LEMD3: variants seen among roughly 807,000 people sequenced by gnomAD.
LEMD3 encodes the protein LEM domain containing 3.
LEMD3 carries 33 observed loss-of-function variants against 95.2 expected under a neutral mutation model. The observed-to-expected ratio is 0.35, with a 90% CI of 0.26 to 0.46. The LOEUF is 0.46. Among genes scored for constraint, LEMD3 ranks in the 20% least tolerant of loss-of-function variants. The probability of loss-of-function intolerance (pLI) is 1.00; values close to 1 mark genes in which losing one functional copy is unlikely to be tolerated. For synonymous variants in LEMD3, 525 were observed against 474.6 expected (o/e 1.11, Z -1.38); for missense variants, 1,210 against 1,192.8 (o/e 1.01, Z -0.21).
At position 65,185,583 on chromosome 12, in the gene LEMD3, G is replaced by A. The variant is rs961311142; in HGVS notation, c.1522+14465G>A. On this transcript the variant is annotated intron_variant, in intron 1 of 12. Coordinates refer to ENST00000308330, the MANE Select transcript of LEMD3 (RefSeq NM_014319.5). Reference sequence around the variant, plus strand: ...AAGTGGATATCAAAAGTACTGTTATGGGGAATCTGAATATCTTGATATAAA... The same window carrying A: ...AAGTGGATATCAAAAGTACTGTTATAGGGAATCTGAATATCTTGATATAAA... Among the ~76,000 whole-genome samples, 13 of 151,682 alleles carry A rather than the reference G, an allele frequency of 8.6e-5. No individual in the cohort carries two copies. The East Asian group carries it at 9.6e-4, about 11-fold the overall frequency.
intron 1 of LEMD3, among the ~76,000 whole-genome samples, chr12:65,174,841 A>G (rs1024860622): frequency 6.6e-6 from 1 of 152,242 alleles, no homozygotes; most frequent in African/African-American, 2.4e-5. Context: ...ACATAATGGT[A>G]GTTGCTAACA....
chr12:65,227,733 C>A (rs996956955), intron 4 of LEMD3, among the ~76,000 whole-genome samples: 6 of 85,258 alleles, frequency 7.0e-5, no homozygotes, highest in Non-Finnish European at 8.8e-5. Context: ...AGAATTTTTG[C>A]GATTTTTTTT....
At chr12:65,220,235 T>C (rs907189325) in intron 4 of LEMD3, among the ~76,000 whole-genome samples, 3 of 152,238 alleles carry the variant, frequency 2.0e-5, no homozygotes, top group African/African-American at 7.2e-5. Context: ...TGTGTTTTTA[T>C]TTGTGTTTCC....
intron 3 of LEMD3, among the ~76,000 whole-genome samples, chr12:65,217,036 A>G (rs946647239): frequency 4.6e-5 from 7 of 152,200 alleles, no homozygotes; most frequent in African/African-American, 1.7e-4. Flanking sequence ...TGCTAACACA[A>G]GCTTCTACAG....
intron 1 of LEMD3, among the ~76,000 whole-genome samples, chr12:65,172,411 C>G (rs1195751555): frequency 6.6e-6 from 1 of 152,094 alleles, no homozygotes; most frequent in Non-Finnish European, 1.5e-5. Flanking sequence ...AGTTAGCCAA[C>G]TCAGATAAAG....
At chr12:65,178,380 T>C (rs2136317810) in intron 1 of LEMD3, among the ~76,000 whole-genome samples, 1 of 152,334 alleles carries the variant, frequency 6.6e-6, no homozygotes, top group East Asian at 1.9e-4. Flanking sequence ...AGGAAAAACT[T>C]GTGAATCTCT....
intron 1 of LEMD3, among the ~76,000 whole-genome samples, chr12:65,205,293 C>CT (rs1869729674): frequency 1.3e-5 from 2 of 152,098 alleles, no homozygotes; most frequent in Non-Finnish European, 1.5e-5. Flanking sequence ...CCATATCAGT[C>CT]TGATAACAGT....
chr12:65,244,952 A>G (rs1395205196), intron 10 of LEMD3, among the ~76,000 whole-genome samples: 1 of 152,110 alleles, frequency 6.6e-6, no homozygotes, highest in Non-Finnish European at 1.5e-5. Context: ...CCCTGTCTCA[A>G]ATAACTAACA....
intron 4 of LEMD3, among the ~76,000 whole-genome samples, chr12:65,232,536 A>G (rs1308687383): frequency 6.6e-6 from 1 of 152,116 alleles, no homozygotes; most frequent in African/African-American, 2.4e-5. Context: ...TTCTTTATCC[A>G]GTTTTCTCCT....
Position 65,243,422 on chromosome 12 carries a change from T to G in LEMD3, c.2340T>G (p.Asn780Lys), listed in dbSNP as rs1330350819. 4 of 1,604,070 alleles carry G rather than the reference T, an allele frequency of 2.5e-6. No individual in the cohort carries two copies. The African/African-American group carries it at 5.4e-5, about 21-fold the overall frequency. The change falls in exon 10 of 13, where the codon AAT becomes AAG. Residue 780 changes from asparagine (N) to lysine (K), a missense_variant. Asn to Lys is a moderately conservative substitution (Grantham distance 94). This residue lies in a region of LEMD3 where 461 missense variants were observed against 569.8 expected (regional missense o/e 0.81). Transcript: ENST00000308330. ...TAGATAGAAGAAATTCACCACCAAA[T>G]AGTTTGACACCGTGTCTAAAGATTC... ...FHLDRRNSPP[N>K]SLTPCLKIRN...
chr12:65,236,542 C>T (rs562625808), intron 4 of LEMD3, among the ~76,000 whole-genome samples: 254 of 124,644 alleles, frequency 2.0e-3, no homozygotes, highest in African/African-American at 8.0e-3. Flanking sequence ...CAGAGCAAGA[C>T]TCTGTCTCAA....
At position 65,246,222 on chromosome 12, in the gene LEMD3, C is replaced by G; in HGVS notation, c.2633C>G (p.Ala878Gly). The G allele has an allele frequency of 6.2e-7, 1 of 1,612,562 alleles. No individual in the cohort carries two copies. The highest frequency in any genetic ancestry group is 8.5e-7 in the Non-Finnish European group (1 of 1,178,712). The change falls in exon 13 of 13, where the codon GCT becomes GGT. Residue 878 changes from alanine to glycine, a missense_variant. By Grantham distance (60) the Ala-to-Gly change is moderately conservative. Coordinates refer to ENST00000308330, the MANE Select transcript of LEMD3 (RefSeq NM_014319.5). ...LDRYHHRFPQALTSNTPLKPS... is the reference protein window; with the variant it reads ...LDRYHHRFPQGLTSNTPLKPS... The stretch of plus-strand genomic sequence containing the variant: ...AGATACCACCATCGCTTTCCCCAGG[C>G]TCTCACTTCCAACACTCCATTGAAG...
chr12:65,218,118 A>G (rs919990401), intron 3 of LEMD3, among the ~76,000 whole-genome samples: 10 of 152,182 alleles, frequency 6.6e-5, no homozygotes, highest in African/African-American at 2.4e-4. Flanking sequence ...TTAAGAATAG[A>G]TGTGTAAGTT....
Position 65,170,751 on chromosome 12 carries a change from C to T in LEMD3, c.1155C>T (p.Ser385=). The change falls in exon 1 of 13, where the codon TCC becomes TCT. Residue 385 remains serine, a synonymous_variant. Transcript: ENST00000308330. ...CAACCTTGGATTCGTCAACAGGCTC[C>T]CTTCTGAAAACCAATAATCATATTG... The part of the protein sequence containing the change: ...MDSTLDSSTG[S]LLKTNNHIGG... 1 of 1,614,218 alleles carries T rather than the reference C, an allele frequency of 6.2e-7. No homozygotes were observed. The highest frequency in any genetic ancestry group is 2.2e-5 in the East Asian group (1 of 44,886).
At chr12:65,188,246 A>G (rs1869127222) in intron 1 of LEMD3, among the ~76,000 whole-genome samples, 2 of 152,146 alleles carry the variant, frequency 1.3e-5, no homozygotes, top group Admixed American at 1.3e-4. Context: ...CATTAAAATC[A>G]TACTGCAGGG....
At chr12:65,218,075 T>C (rs961178845) in intron 3 of LEMD3, among the ~76,000 whole-genome samples, 2 of 152,246 alleles carry the variant, frequency 1.3e-5, no homozygotes, top group African/African-American at 2.4e-5. Context: ...CATTAATAAA[T>C]TCAAACTTAT....
chr12:65,175,202 T>C (rs1868678601), intron 1 of LEMD3, among the ~76,000 whole-genome samples: 1 of 152,206 alleles, frequency 6.6e-6, no homozygotes, highest in South Asian at 2.1e-4. Flanking sequence ...TTAAGTGATA[T>C]TATAGCATAC....
intron 1 of LEMD3, among the ~76,000 whole-genome samples, chr12:65,195,443 G>T (rs1005904001): frequency 4.6e-5 from 7 of 150,646 alleles, no homozygotes; most frequent in African/African-American, 1.5e-4. Flanking sequence ...TGGCCAGATG[G>T]CTACGCTTCT....
chr12:65,223,825 T>C lies in LEMD3; in HGVS notation c.1695+5206T>C, dbSNP rs1233658305. Among the ~76,000 whole-genome samples, 4 of 135,646 alleles carry C rather than the reference T, an allele frequency of 2.9e-5. No homozygotes were observed. In the East Asian group the frequency reaches 8.2e-4, roughly 28 times the overall value. 89.0% of individuals were successfully genotyped at this position (135,646 alleles called of 152,430 possible). On this transcript the variant is annotated intron_variant, in intron 4 of 12. Coordinates refer to ENST00000308330, the MANE Select transcript of LEMD3 (RefSeq NM_014319.5). ...GTCCCCTTTTCCATATCTTACTCTT[T>C]TTTGTGTCTTTTTTTTTTTTTTGTA...
Sources: gnomAD v4.1 joint callset for allele counts (sites outside exome capture counted in the v4.1 genomes callset) on GRCh38, gnomAD v4.1.1 for gene constraint, gnomAD v4.1.1 regional missense constraint, MANE v1.5 for transcripts, NCBI Gene and HGNC (gene_info 2026-07-23, HGNC 2026-07-21) for gene names.